CFAP43: variants seen among roughly 807,000 people sequenced by gnomAD.
CFAP43 encodes the protein cilia- and flagella-associated protein 43.
A neutral mutation model predicts 218.9 loss-of-function variants in CFAP43; 155 were observed. The ratio of observed to expected loss-of-function variants is 0.71; its 90% CI spans 0.62 to 0.81. The LOEUF (loss-of-function observed/expected upper bound fraction) is 0.81, where lower values mean the gene tolerates loss of function less well. Among genes scored for constraint, CFAP43 ranks in the 30% least tolerant of loss-of-function variants. The pLI, the probability that CFAP43 is intolerant of heterozygous loss-of-function variation, is 0.00. For missense variants in CFAP43, 1,778 were observed against 1,954.3 expected, an observed-to-expected ratio of 0.91 and a Z score of 1.70; for synonymous variants, 645 against 681.3, an observed-to-expected ratio of 0.95 and a Z score of 0.83.
chr10:104,219,540 C>T (rs1192301330), intron 3 of CFAP43, among the ~76,000 whole-genome samples: 1 of 152,172 alleles, frequency 6.6e-6, no homozygotes, highest in Non-Finnish European at 1.5e-5. Flanking sequence ...CTCCCCACTG[C>T]CTTTAGGATA....
In CFAP43 at chr10:104,209,730, A is replaced by T. The variant is rs191278082; in HGVS notation, c.736-1906T>A. Among the ~76,000 whole-genome samples the T allele has an allele frequency of 2.2e-3, 338 of 152,298 alleles. 1 individual carries two copies. The highest frequency in any genetic ancestry group is 7.8e-3 in the African/African-American group (324 of 41,584). ...GGCTCTGGCACCAAATACTAAACAT[A>T]GAAAAATTTGAGTTGCAAACCTTGA... On this transcript the variant is annotated intron_variant, in intron 5 of 37. Coordinates refer to ENST00000357060, the MANE Select transcript of CFAP43 (RefSeq NM_025145.7).
At chr10:104,163,488 C>G (rs945687400) in intron 24 of CFAP43, among the ~76,000 whole-genome samples, 3 of 152,088 alleles carry the variant, frequency 2.0e-5, no homozygotes, top group Admixed American at 2.0e-4. Context: ...GAAATATTGT[C>G]AGATTTTAAT....
chr10:104,193,835 G>A (rs773390656), intron 11 of CFAP43, 31 bp downstream of exon 11: 8 of 1,603,434 alleles, frequency 5.0e-6, no homozygotes, highest in East Asian at 2.2e-5. Flanking sequence ...GGTGTGACAC[G>A]GAGCCGCTCC....
chr10:104,164,264 CATT>C lies in CFAP43; in HGVS notation c.3073_3075del (p.Asn1025del), dbSNP rs760326183. 4 of 1,610,910 alleles carry C rather than the reference CATT, an allele frequency of 2.5e-6. No homozygotes were observed. In the South Asian group the frequency reaches 3.3e-5, roughly 13 times the overall value. ...TTTTGTTTATATGCAGCGTCAAACT[CATT>C]ATTGAAAACAGTTTTTACCTTGTAA... On this transcript the variant is annotated inframe_deletion, in exon 24 of 38. Transcript: ENST00000357060.
chr10:104,214,546 C>A, intron 3 of CFAP43, 120 bp from the exon 4 acceptor site: 1 of 872,322 alleles, frequency 1.1e-6, no homozygotes, highest in South Asian at 2.2e-5. Context: ...TTTATATAAT[C>A]AATGACCTTA....
rs779497114 is a variant in CFAP43 at position 104,214,340 on chromosome 10, C to A, written c.503G>T (p.Arg168Leu). ...ACTTGGACTTGATAAGCACAGCTGG[C>A]GCCAGTTCATGGGGTTAAAAGACAT... ...NQMSFNPMNW[R>L]QLCLSSPSTV... Residue 168 changes from arginine (R) to leucine (L), a missense_variant, in exon 4 of 38, where the codon CGC (arginine) becomes CTC (leucine). Coordinates refer to ENST00000357060, the MANE Select transcript of CFAP43 (RefSeq NM_025145.7). The A allele has an allele frequency of 2.5e-6, 4 of 1,612,030 alleles. No homozygotes were observed. The highest frequency in any genetic ancestry group is 4.5e-5 in the East Asian group (2 of 44,798).
chr10:104,206,063 G>C, intron 6 of CFAP43, 33 bp from the exon 7 acceptor site: 3 of 1,526,946 alleles, frequency 2.0e-6, no homozygotes, highest in Non-Finnish European at 2.7e-6. Flanking sequence ...TAAAGCAGGT[G>C]ACGTAATTAA....
intron 16 of CFAP43, among the ~76,000 whole-genome samples, chr10:104,183,718 T>C (rs1313176386): frequency 1.3e-5 from 2 of 152,206 alleles, no homozygotes; most frequent in African/African-American, 4.8e-5. Context: ...CAGCTTTGTT[T>C]TGAGTCAGAA....
chr10:104,203,722 G>T lies in CFAP43; in HGVS notation c.1045C>A (p.His349Asn), dbSNP rs1449924490. Residue 349 changes from histidine to asparagine, a missense_variant, in exon 8 of 38, where the codon CAT becomes AAT. Transcript: ENST00000357060. ...GTATAATTGGGAGAAAATGTCATAT[G>T]TTCTACAGGTCTTTCAATCTCAAGA... ...DFLEIERPVEHMTFSPNYTVL... is the reference protein window; with the variant it reads ...DFLEIERPVENMTFSPNYTVL... The T allele has an allele frequency of 4.3e-6, 7 of 1,611,396 alleles. No individual in the cohort carries two copies. In the South Asian group the frequency reaches 6.7e-5, roughly 15 times the overall value.
intron 21 of CFAP43, among the ~76,000 whole-genome samples, chr10:104,168,266 A>G (rs2089264381): frequency 6.6e-6 from 1 of 152,196 alleles, no homozygotes; most frequent in Non-Finnish European, 1.5e-5. Flanking sequence ...GAAAGTGAAA[A>G]GGATGCTGAT....
chr10:104,144,875 A>G (rs1397001795), intron 31 of CFAP43, among the ~76,000 whole-genome samples: 1 of 152,246 alleles, frequency 6.6e-6, no homozygotes, highest in Non-Finnish European at 1.5e-5. Context: ...ATTTTCTACC[A>G]TTTATACTGG....
Position 104,162,236 on chromosome 10 carries a change from A to T in CFAP43, c.3333+81T>A. 4.3e-6 allele frequency: 6 copies of T among 1,381,864 alleles called. No individual in the cohort carries two copies. The South Asian group carries it at 6.9e-5, about 16-fold the overall frequency. 85.6% of individuals were successfully genotyped at this position (1,381,864 alleles called of 1,614,324 possible). ...ACCTCTGACCACGACAAATGTGTTGATGGGTTATTAAACCAAACTAGGAAG... is the reference window on the plus strand; with the variant it reads ...ACCTCTGACCACGACAAATGTGTTGTTGGGTTATTAAACCAAACTAGGAAG... On this transcript the variant is annotated intron_variant, in intron 25 of 37. Coordinates refer to ENST00000357060, the MANE Select transcript of CFAP43 (RefSeq NM_025145.7).
chr10:104,185,063 A>G lies in CFAP43; in HGVS notation c.2094T>C (p.Ile698=), dbSNP rs540922647. Residue 698 remains isoleucine, a synonymous_variant, in exon 16 of 38, where the codon ATT becomes ATC. Coordinates refer to ENST00000357060, the MANE Select transcript of CFAP43 (RefSeq NM_025145.7). ...TGCCATCATCTCTCCCATTCACCAG[A>G]ATGTTTTGTCCATCCATTGAAATTC... ...SMRISMDGQN[I]LVNGRDDGTL... 4.3e-6 allele frequency: 7 copies of G among 1,614,106 alleles called. No homozygotes were observed. In the African/African-American group the frequency reaches 6.7e-5, roughly 15 times the overall value.
chr10:104,215,644 A>G (rs972997023), intron 3 of CFAP43, among the ~76,000 whole-genome samples: 1 of 152,000 alleles, frequency 6.6e-6, no homozygotes, highest in Non-Finnish European at 1.5e-5. Context: ...AGGATCTCCA[A>G]TCCTGCTATG....
intron 27 of CFAP43, among the ~76,000 whole-genome samples, chr10:104,153,173 A>G (rs2088361853): frequency 1.3e-5 from 2 of 152,200 alleles, no homozygotes; most frequent in South Asian, 4.1e-4. Flanking sequence ...GTATATTTAT[A>G]TATTTGTACT....
At chr10:104,171,760 T>A (rs1163545177) in intron 20 of CFAP43, among the ~76,000 whole-genome samples, 2 of 152,212 alleles carry the variant, frequency 1.3e-5, no homozygotes, top group Admixed American at 1.3e-4. Context: ...AAAGGCTGAA[T>A]TAATAGAAGT....
intron 20 of CFAP43, among the ~76,000 whole-genome samples, chr10:104,170,059 A>G (rs1242855508): frequency 6.6e-6 from 1 of 152,176 alleles, no homozygotes; most frequent in Non-Finnish European, 1.5e-5. Context: ...ACTCCTCCCA[A>G]GGACTAGTAT....
intron 12 of CFAP43, among the ~76,000 whole-genome samples, chr10:104,191,340 A>C (rs556978796): frequency 1.3e-5 from 2 of 152,226 alleles, no homozygotes; most frequent in South Asian, 4.2e-4. Flanking sequence ...GTTATACCAG[A>C]CTTTTTTACC....
intron 18 of CFAP43, 120 bp downstream of exon 18, chr10:104,179,720 G>C (rs2089758889): frequency 1.4e-6 from 1 of 734,488 alleles, no homozygotes; most frequent in African/African-American, 1.8e-5. Context: ...ATGTTGTAAT[G>C]CTCTGCCAAG....
Sources: allele counts gnomAD v4.1 joint callset (sites outside exome capture counted in the v4.1 genomes callset), GRCh38; gene constraint gnomAD v4.1.1; transcripts MANE v1.5; gene names NCBI Gene and HGNC (gene_info 2026-07-23, HGNC 2026-07-21).